The following TTBK2 variants were observed in gnomAD, a reference collection of about 807,000 sequenced individuals.
TTBK2 encodes the protein tau tubulin kinase 2.
Under a neutral mutation model 110.8 loss-of-function variants are expected in TTBK2, and 28 were observed. That is an observed-to-expected ratio of 0.25 (90% confidence interval 0.19 to 0.35). The LOEUF (loss-of-function observed/expected upper bound fraction) is 0.35. TTBK2 is among the 10% of genes least tolerant of loss of function. The probability of loss-of-function intolerance (pLI) is 1.00; values close to 1 mark genes in which losing one functional copy is unlikely to be tolerated. For synonymous variants in TTBK2, 532 were observed against 527.3 expected (o/e 1.01, Z -0.12); for missense variants, 1,369 against 1,500.3 (o/e 0.91, Z 1.45).
chr15:42,826,015 A>AAT lies in TTBK2; in HGVS notation c.537+1911_537+1912dup, dbSNP rs145260401. ...TTTAATGTTTTTTACACTCTTTTGG[A>AAT]ATATATATATATATAGCAAGACAAA... On this transcript the variant is annotated intron_variant, in intron 6 of 14. Transcript: ENST00000267890. Among the ~76,000 whole-genome samples, 491 of 150,034 alleles carry AAT rather than the reference A, an allele frequency of 3.3e-3. 2 individuals are homozygous for AAT. Among genetic ancestry groups the AAT allele is most frequent in the South Asian group, 8.8e-3 (42 of 4,790 alleles).
At chr15:42,799,889 A>G (rs938121330) in intron 9 of TTBK2, among the ~76,000 whole-genome samples, 7 of 152,094 alleles carry the variant, frequency 4.6e-5, no homozygotes, top group Non-Finnish European at 7.4e-5. Flanking sequence ...CAAAGTAATA[A>G]AAGTCAATTA....
At chr15:42,882,167 G>A (rs1895075007) in intron 1 of TTBK2, among the ~76,000 whole-genome samples, 1 of 151,804 alleles carries the variant, frequency 6.6e-6, no homozygotes, top group Non-Finnish European at 1.5e-5. Flanking sequence ...CACAAATTTT[G>A]TGAAGGAAAA....
At chr15:42,769,320 C>A (rs1016888304) in intron 13 of TTBK2, among the ~76,000 whole-genome samples, 1 of 152,148 alleles carries the variant, frequency 6.6e-6, no homozygotes, top group Non-Finnish European at 1.5e-5. Context: ...TCAGAGTGAA[C>A]AGGCAACTTA....
At chr15:42,766,026 A>G (rs1028369301) in intron 13 of TTBK2, among the ~76,000 whole-genome samples, 1 of 152,206 alleles carries the variant, frequency 6.6e-6, no homozygotes, top group African/African-American at 2.4e-5. Context: ...ACTAAGCTTC[A>G]TAAGTGAAGG....
In TTBK2 at chr15:42,775,362, C is replaced by A. The variant is rs186720367; in HGVS notation, c.1771G>T (p.Ala591Ser). ...EEPEVLQVLEASPQDEKLQLG... is the reference protein window; with the variant it reads ...EEPEVLQVLESSPQDEKLQLG... ...TGGAGCTTTTCATCTTGAGGTGATG[C>A]CTCCAGGACTTGAAGTACTTCAGGC... The change falls in exon 13 of 15, where the codon GCA (alanine) becomes TCA (serine). Residue 591 changes from alanine to serine, a missense_variant. By Grantham distance (99) the Ala-to-Ser change is moderately conservative. Around this residue, in one of 4 missense-constraint regions of TTBK2, gnomAD observed 1,097 missense variants for 1,114.7 expected, o/e 0.98. Transcript: ENST00000267890. 1 of 1,614,190 alleles carries A rather than the reference C, an allele frequency of 6.2e-7. No individual in the cohort carries two copies. Among genetic ancestry groups the A allele is most frequent in the African/African-American group, 1.3e-5 (1 of 75,038 alleles).
intron 1 of TTBK2, among the ~76,000 whole-genome samples, chr15:42,892,602 A>G (rs1895500711): frequency 6.7e-6 from 1 of 149,916 alleles, no homozygotes; most frequent in South Asian, 2.2e-4. Flanking sequence ...GCTACTCAGA[A>G]GGCTGAGGTG....
chr15:42,849,592 G>C (rs1344541529), intron 3 of TTBK2, among the ~76,000 whole-genome samples: 1 of 152,064 alleles, frequency 6.6e-6, no homozygotes, highest in Non-Finnish European at 1.5e-5. Flanking sequence ...AAGAATGTTG[G>C]TATTTTTGCT....
At chr15:42,906,475 G>A (rs553114805) in intron 1 of TTBK2, among the ~76,000 whole-genome samples, 5 of 152,092 alleles carry the variant, frequency 3.3e-5, no homozygotes, top group Non-Finnish European at 7.4e-5. Context: ...TGCTTTTAAA[G>A]TTATTAGTAA....
chr15:42,853,558 A>G (rs538943567), intron 3 of TTBK2, among the ~76,000 whole-genome samples: 31 of 152,336 alleles, frequency 2.0e-4, no homozygotes, highest in Middle Eastern at 3.4e-3. Context: ...CATCAGTTCT[A>G]CTCAGGATGG....
intron 1 of TTBK2, among the ~76,000 whole-genome samples, chr15:42,893,297 C>T (rs780910371): frequency 6.6e-6 from 1 of 152,054 alleles, no homozygotes; most frequent in Non-Finnish European, 1.5e-5. Flanking sequence ...AGTTCAAGAC[C>T]AGCCTGGGCA....
At chr15:42,820,251 A>C (rs1419636637) in intron 6 of TTBK2, among the ~76,000 whole-genome samples, 1 of 152,234 alleles carries the variant, frequency 6.6e-6, no homozygotes, top group African/African-American at 2.4e-5. Context: ...ACCCAACTGG[A>C]GAAAAACAGT....
intron 3 of TTBK2, among the ~76,000 whole-genome samples, chr15:42,867,134 C>T (rs1453396627): frequency 6.6e-6 from 1 of 151,516 alleles, no homozygotes; most frequent in Non-Finnish European, 1.5e-5. Context: ...GTCCCAGCTA[C>T]TAGGGAGGCT....
rs1225194398 is a variant in TTBK2, at chr15:42,763,654, T to G, written c.1999-10407A>C. Among the ~76,000 whole-genome samples, 6 of 152,192 alleles carry G rather than the reference T, an allele frequency of 3.9e-5. No homozygotes were observed. The East Asian group carries it at 1.2e-3, about 29-fold the overall frequency. ...CATTGTATGTGTCAAGACATCACTATGTACCTCATACATATGTATGATTAT... is the reference window on the plus strand; with the variant it reads ...CATTGTATGTGTCAAGACATCACTAGGTACCTCATACATATGTATGATTAT... On this transcript the variant is annotated intron_variant, in intron 13 of 14. Transcript: ENST00000267890.
chr15:42,783,111 G>T (rs1014948841), intron 11 of TTBK2, among the ~76,000 whole-genome samples: 1 of 152,130 alleles, frequency 6.6e-6, no homozygotes, highest in African/African-American at 2.4e-5. Context: ...ACCTGCTATA[G>T]TCTGAATGTT....
rs71108183 is a variant in TTBK2 at position 42,815,958 on chromosome 15, A to AAAAATATATATATAT, written c.603+1073_603+1074insATATATATATATTTT. Among the ~76,000 whole-genome samples, 430 of 91,664 alleles carry AAAAATATATATATAT rather than the reference A, an allele frequency of 4.7e-3. 12 individuals are homozygous for AAAAATATATATATAT. Among genetic ancestry groups the AAAAATATATATATAT allele is most frequent in the Admixed American group, 5.8e-3 (46 of 7,932 alleles). The allele number at this position is 91,664 out of a possible 152,430, so 60.1% of individuals were successfully genotyped here. A position where few individuals can be genotyped will look rare whatever the true frequency, so the allele number is the denominator to read the frequency against. ...TATATATATATATATTTAAAAAAAA[A>AAAAATATATATATAT]ATATATATATATATATATATTTGAG... On this transcript the variant is annotated intron_variant, in intron 7 of 14. Transcript: ENST00000267890.
intron 1 of TTBK2, among the ~76,000 whole-genome samples, chr15:42,881,732 G>T (rs1282590861): frequency 6.6e-6 from 1 of 151,842 alleles, no homozygotes; most frequent in African/African-American, 2.4e-5. Flanking sequence ...ATTAGCGGGC[G>T]TGGTAGTAGG....
intron 7 of TTBK2, among the ~76,000 whole-genome samples, chr15:42,813,855 C>CT (rs932298388): frequency 1.3e-5 from 2 of 149,544 alleles, no homozygotes; most frequent in Non-Finnish European, 3.0e-5. Context: ...GACTCCATCT[C>CT]TTAAAAAAAA....
intron 13 of TTBK2, among the ~76,000 whole-genome samples, chr15:42,755,332 T>C (rs189482119): frequency 6.6e-6 from 1 of 152,274 alleles, no homozygotes; most frequent in East Asian, 1.9e-4. Context: ...GGATTAGTCA[T>C]AGGAGATTTA....
Position 42,745,433 on chromosome 15 carries a change from C to T in TTBK2, c.*362G>A, listed in dbSNP as rs1337148950. The T allele has an allele frequency of 3.6e-6, 1 of 279,904 alleles. No individual in the cohort carries two copies. The highest frequency in any genetic ancestry group is 6.9e-6 in the Non-Finnish European group (1 of 144,784). The allele number at this position is 279,904 out of a possible 1,614,324, so 17.3% of individuals were successfully genotyped here. On this transcript the variant is annotated 3_prime_UTR_variant, in exon 15 of 15. Transcript: ENST00000267890. ...AGAAGTTTCACTTTTGCTATATAAT[C>T]TTTGAATTGAGGCTTAAAAAAATTA...
Sources: gnomAD v4.1 joint callset for allele counts (sites outside exome capture counted in the v4.1 genomes callset) on GRCh38, gnomAD v4.1.1 for gene constraint, gnomAD v4.1.1 regional missense constraint, MANE v1.5 for transcripts, NCBI Gene and HGNC (gene_info 2026-07-23, HGNC 2026-07-21) for gene names.